Variants in B3GALT5 observed in about 807,000 individuals in gnomAD.
B3GALT5 encodes the protein UDP-Gal:betaGlcNAc beta 1,3-galactosyltransferase, polypeptide 5.
For synonymous variants in B3GALT5, 156 were observed against 158.6 expected (o/e 0.98, Z 0.12); for missense variants, 328 against 396.6 (o/e 0.83, Z 1.47).
intron 1 of B3GALT5, among the ~76,000 whole-genome samples, chr21:39,645,901 A>G (rs1439744352): frequency 6.6e-6 from 1 of 151,432 alleles, no homozygotes; most frequent in Non-Finnish European, 1.5e-5. Flanking sequence ...AGGTCCCCAC[A>G]TTAAAACCTG....
At chr21:39,654,022 T>C (rs770729935) in intron 2 of B3GALT5, among the ~76,000 whole-genome samples, 1 of 152,252 alleles carries the variant, frequency 6.6e-6, no homozygotes, top group Non-Finnish European at 1.5e-5. Flanking sequence ...TGAGCAATGC[T>C]GCTGTGAACA....
chr21:39,627,824 G>T (rs570889607), intron 1 of B3GALT5, among the ~76,000 whole-genome samples: 4 of 152,152 alleles, frequency 2.6e-5, no homozygotes, highest in Non-Finnish European at 4.4e-5. Context: ...GTAGTCTTTT[G>T]GACTTTAAAC....
In B3GALT5 at chr21:39,663,889, C is replaced by G. The variant is rs1395603423; in HGVS notation, c.*2397C>G. 6.6e-6 allele frequency: 1 copy of G among 152,252 alleles called. No homozygotes were observed. Among genetic ancestry groups the G allele is most frequent in the Non-Finnish European group, 1.5e-5 (1 of 68,112 alleles). The allele number at this position is 152,252 out of a possible 1,614,324, so 9.4% of individuals were successfully genotyped here. ...CAATGTGAAAGCATGAGTGAGGAGG[C>G]CAAGCAGTGCTTCCCCAGGAACACC... is the stretch of plus-strand genomic sequence containing the variant. On this transcript the variant is annotated 3_prime_UTR_variant, in exon 4 of 4. Transcript: ENST00000684187.
In B3GALT5 at chr21:39,661,464, C is replaced by T. The variant is rs138903138; in HGVS notation, c.905C>T (p.Ser302Phe). Residue 302 changes from serine to phenylalanine, a missense_variant, in exon 4 of 4, where the codon TCC (serine) becomes TTC (phenylalanine). Physicochemically the swap from Ser to Phe is radical, Grantham distance 155. Coordinates refer to ENST00000684187, the MANE Select transcript of B3GALT5 (RefSeq NM_001356336.2). This position sits in a 1 kb window ranked among gnomAD's most constrained non-coding sequence, Gnocchi z 4.7. ...GACTACTGGCAGGCTCTAGAGAATT[C>T]CCGGGGGGAAGATTGTCCGCCTGTC... ...LLDYWQALEN[S>F]RGEDCPPV is the part of the protein sequence containing the mutation. 1.3e-6 allele frequency: 2 copies of T among 1,510,752 alleles called. No individual in the cohort carries two copies. Among genetic ancestry groups the T allele is most frequent in the African/African-American group, 2.8e-5 (2 of 71,726 alleles). The allele number at this position is 1,510,752 out of a possible 1,614,324, so 93.6% of individuals were successfully genotyped here.
chr21:39,639,355 C>CTTTTTT (rs1569212210), intron 1 of B3GALT5, among the ~76,000 whole-genome samples: 1 of 79,478 alleles, frequency 1.3e-5, no homozygotes, highest in Non-Finnish European at 2.6e-5. Context: ...TCTTTCCTTC[C>CTTTTTT]TTCCTTCCTT....
chr21:39,656,475 C>T (rs922325533), intron 2 of B3GALT5, among the ~76,000 whole-genome samples: 3 of 152,194 alleles, frequency 2.0e-5, no homozygotes, highest in Non-Finnish European at 1.5e-5. Context: ...AGAATGCTCA[C>T]CAGCTTCCTC....
rs1034737739 is a variant in B3GALT5, at chr21:39,661,871, G to C, written c.*379G>C. On this transcript the variant is annotated 3_prime_UTR_variant, in exon 4 of 4. Coordinates refer to ENST00000684187, the MANE Select transcript of B3GALT5 (RefSeq NM_001356336.2). This position sits in a 1 kb window ranked among gnomAD's most constrained non-coding sequence, Gnocchi z 4.7. The stretch of plus-strand genomic sequence containing the variant: ...AGGCATAGGAGCGGGAATGAAAATC[G>C]AGCACTGTCAGAATCTGGTGGGCAG... 1 of 178,894 alleles carries C rather than the reference G, an allele frequency of 5.6e-6. No homozygotes were observed. The highest frequency in any genetic ancestry group is 1.3e-5 in the Non-Finnish European group (1 of 76,452). The allele number at this position is 178,894 out of a possible 1,614,324, so 11.1% of individuals were successfully genotyped here. A position where few individuals can be genotyped will look rare whatever the true frequency, so the allele number is the denominator to read the frequency against.
At chr21:39,626,600 T>C (rs1179804771) in intron 1 of B3GALT5, among the ~76,000 whole-genome samples, 3 of 152,198 alleles carry the variant, frequency 2.0e-5, no homozygotes, top group Non-Finnish European at 2.9e-5. Flanking sequence ...TTCGTTATTT[T>C]CTGTTTTTTT....
At chr21:39,619,554 T>C (rs995469076) in intron 1 of B3GALT5, among the ~76,000 whole-genome samples, 1 of 152,132 alleles carries the variant, frequency 6.6e-6, no homozygotes, top group Non-Finnish European at 1.5e-5. Context: ...AGTTTTCCCA[T>C]CTTGTTTTGC....
chr21:39,659,532 A>G (rs906031802), intron 2 of B3GALT5, among the ~76,000 whole-genome samples: 2 of 152,186 alleles, frequency 1.3e-5, no homozygotes, highest in Non-Finnish European at 2.9e-5. Flanking sequence ...TTAGGCTTGA[A>G]GGATTCTGGG....
intron 1 of B3GALT5, among the ~76,000 whole-genome samples, chr21:39,645,044 G>A (rs1334022400): frequency 6.6e-6 from 1 of 152,154 alleles, no homozygotes; most frequent in Non-Finnish European, 1.5e-5. Flanking sequence ...GGGAATGGAG[G>A]CGTCAGGCAT....
At chr21:39,629,280 G>T (rs1250692899) in intron 1 of B3GALT5, among the ~76,000 whole-genome samples, 2 of 152,196 alleles carry the variant, frequency 1.3e-5, no homozygotes, top group African/African-American at 4.8e-5. Flanking sequence ...CCTCCAAAGT[G>T]CTGGGATTAT....
At chr21:39,630,932 T>C (rs924436273) in intron 1 of B3GALT5, among the ~76,000 whole-genome samples, 1 of 152,004 alleles carries the variant, frequency 6.6e-6, no homozygotes, top group Non-Finnish European at 1.5e-5. Flanking sequence ...AAAAATTATA[T>C]GGAAAAAAAA....
intron 1 of B3GALT5, among the ~76,000 whole-genome samples, chr21:39,643,543 G>A (rs771858438): frequency 2.0e-5 from 3 of 152,170 alleles, no homozygotes; most frequent in Non-Finnish European, 2.9e-5. Flanking sequence ...GGTGACAGGC[G>A]GACAGGAGAA....
rs2079587495 is a variant in B3GALT5 at position 39,667,398 on chromosome 21, C to T, written c.*5906C>T. The T allele has an allele frequency of 6.6e-6, 1 of 152,200 alleles. No homozygotes were observed. The highest frequency in any genetic ancestry group is 2.4e-5 in the African/African-American group (1 of 41,448). 9.4% of individuals were successfully genotyped at this position (152,200 alleles called of 1,614,324 possible). ...TGGTTATTTTTGTGCAAAAAATTAT[C>T]CCGATGTTTACTTTGGTTTCATAAG... On this transcript the variant is annotated 3_prime_UTR_variant, in exon 4 of 4. Transcript: ENST00000684187.
Position 39,661,662 on chromosome 21 carries a change from G to T in B3GALT5, c.*170G>T. The T allele has an allele frequency of 1.7e-6, 1 of 588,784 alleles. No homozygotes were observed. Among genetic ancestry groups the T allele is most frequent in the South Asian group, 4.8e-5 (1 of 20,814 alleles). The allele number at this position is 588,784 out of a possible 1,614,324, so 36.5% of individuals were successfully genotyped here. A position where few individuals can be genotyped will look rare whatever the true frequency, so the allele number is the denominator to read the frequency against. On this transcript the variant is annotated 3_prime_UTR_variant, in exon 4 of 4. Coordinates refer to ENST00000684187, the MANE Select transcript of B3GALT5 (RefSeq NM_001356336.2). The surrounding 1 kb of genome is among the most constrained non-coding windows in gnomAD (Gnocchi z 4.7). ...GATTAGTTCCCACTTGGTGCCCCAGGCAATAATAGGCCCGTCTCTTGGGCA... is the reference window on the plus strand; with the variant it reads ...GATTAGTTCCCACTTGGTGCCCCAGTCAATAATAGGCCCGTCTCTTGGGCA...
intron 1 of B3GALT5, among the ~76,000 whole-genome samples, chr21:39,644,833 G>C (rs1198659191): frequency 6.6e-6 from 1 of 150,910 alleles, no homozygotes; most frequent in Non-Finnish European, 1.5e-5. Context: ...GGAGTGACTG[G>C]AAGACCCCAG....
intron 2 of B3GALT5, among the ~76,000 whole-genome samples, chr21:39,648,239 T>A (rs1466947608): frequency 6.6e-6 from 1 of 152,130 alleles, no homozygotes; most frequent in Non-Finnish European, 1.5e-5. Flanking sequence ...AAGAATTGGG[T>A]TATAAAAATA....
At chr21:39,636,030 C>T (rs893267856) in intron 1 of B3GALT5, among the ~76,000 whole-genome samples, 1 of 152,144 alleles carries the variant, frequency 6.6e-6, no homozygotes, top group East Asian at 1.9e-4. Flanking sequence ...GTGGAACTGA[C>T]AAGTTTCTGA....
Sources: gnomAD v4.1 joint callset for allele counts (sites outside exome capture counted in the v4.1 genomes callset) on GRCh38, gnomAD v4.1.1 for gene constraint, Gnocchi (gnomAD v3.1) non-coding constraint, MANE v1.5 for transcripts, NCBI Gene and HGNC (gene_info 2026-07-23, HGNC 2026-07-21) for gene names.